DCBLD2: variants seen among roughly 807,000 people sequenced by gnomAD.
DCBLD2 encodes discoidin, CUB and LCCL domain-containing protein 2.
A neutral mutation model predicts 86.8 loss-of-function variants in DCBLD2; 54 were observed. That is an observed-to-expected ratio of 0.62 (90% CI 0.50 to 0.78). The LOEUF (loss-of-function observed/expected upper bound fraction) is 0.78. DCBLD2 is among the 30% of genes least tolerant of loss of function. DCBLD2 has a pLI of 0.00. For synonymous variants in DCBLD2, 354 were observed against 341.3 expected (o/e 1.04, Z -0.41); for missense variants, 908 against 954.2 (o/e 0.95, Z 0.64).
chr3:98,808,215 T>C (rs1941876283), intron 12 of DCBLD2, 41 bp from the exon 13 acceptor site: 2 of 1,520,356 alleles, frequency 1.3e-6, no homozygotes, highest in Admixed American at 4.5e-5. Flanking sequence ...AAAAGCCATA[T>C]TAACACCAAA....
chr3:98,858,805 T>C (rs898363834), intron 2 of DCBLD2, among the ~76,000 whole-genome samples: 4 of 152,134 alleles, frequency 2.6e-5, no homozygotes, highest in African/African-American at 9.7e-5. Context: ...AACAGATATA[T>C]GAAAAAATGT....
Position 98,901,177 on chromosome 3 carries a change from G to T in DCBLD2, c.150C>A (p.Phe50Leu), listed in dbSNP as rs765051682. The T allele has an allele frequency of 1.3e-6, 2 of 1,537,964 alleles. No individual in the cohort carries two copies. The highest frequency in any genetic ancestry group is 3.9e-5 in the Admixed American group (2 of 51,014). ...SNSSSFSMPL[F>L]LLLLLVLLLL... ...GGAGCAGGACAAGTAAGAGCAGGAGGAACAGAGGCATGGAGAAGGAGGAGG... is the reference window on the plus strand; with the variant it reads ...GGAGCAGGACAAGTAAGAGCAGGAGTAACAGAGGCATGGAGAAGGAGGAGG... Residue 50 changes from phenylalanine (F) to leucine (L), a missense_variant, in exon 1 of 16, where the codon TTC (phenylalanine) becomes TTA (leucine). Phe to Leu is a conservative substitution (Grantham distance 22). Coordinates refer to ENST00000326840, the MANE Select transcript of DCBLD2 (RefSeq NM_080927.4).
intron 2 of DCBLD2, among the ~76,000 whole-genome samples, chr3:98,867,187 C>T (rs1291415383): frequency 6.6e-6 from 1 of 152,140 alleles, no homozygotes; most frequent in African/African-American, 2.4e-5. Flanking sequence ...CTTGGCAATG[C>T]CAGCTCTTTT....
chr3:98,857,678 G>C (rs1164913872), intron 2 of DCBLD2, among the ~76,000 whole-genome samples: 1 of 152,138 alleles, frequency 6.6e-6, no homozygotes, highest in Non-Finnish European at 1.5e-5. Flanking sequence ...AGTGCCGATT[G>C]GTGTATTTAC....
At chr3:98,881,177 C>T (rs971023560) in intron 2 of DCBLD2, among the ~76,000 whole-genome samples, 22 of 151,466 alleles carry the variant, frequency 1.5e-4, no homozygotes, top group African/African-American at 4.6e-4. Context: ...TAGCTTGAAC[C>T]CAGGAGGCGG....
At chr3:98,832,840 GC>G in intron 3 of DCBLD2, among the ~76,000 whole-genome samples, 1 of 152,156 alleles carries the variant, frequency 6.6e-6, no homozygotes, top group East Asian at 1.9e-4. Flanking sequence ...TTGGTGATCT[GC>G]CCTTTCTCTC....
intron 2 of DCBLD2, among the ~76,000 whole-genome samples, chr3:98,876,069 T>G (rs1943362953): frequency 6.6e-6 from 1 of 152,124 alleles, no homozygotes. Flanking sequence ...AAATACATTT[T>G]TAAAAGTTTG....
At chr3:98,886,694 C>T (rs78930281) in intron 1 of DCBLD2, among the ~76,000 whole-genome samples, 6,016 of 151,840 alleles carry the variant, frequency 0.04, 356 homozygotes, top group African/African-American at 0.14. Context: ...TCTTTGGCTG[C>T]ACATTTATCT....
intron 1 of DCBLD2, chr3:98,890,466 A>T (rs1943638737): frequency 1.3e-5 from 2 of 152,116 alleles, no homozygotes; most frequent in Admixed American, 6.6e-5. Flanking sequence ...ACTGTGAGAC[A>T]ATAAATTTAA....
At chr3:98,861,988 T>C (rs992223289) in intron 2 of DCBLD2, among the ~76,000 whole-genome samples, 3 of 151,328 alleles carry the variant, frequency 2.0e-5, no homozygotes, top group Admixed American at 6.6e-5. Context: ...GCAAGACTAA[T>C]AAAGAAAAGA....
At chr3:98,843,838 A>G (rs1309976140) in intron 3 of DCBLD2, among the ~76,000 whole-genome samples, 1 of 152,210 alleles carries the variant, frequency 6.6e-6, no homozygotes, top group Non-Finnish European at 1.5e-5. Flanking sequence ...CTATATTAAT[A>G]TCTACATTAT....
chr3:98,844,807 C>A (rs114008163), intron 3 of DCBLD2, among the ~76,000 whole-genome samples: 265 of 152,250 alleles, frequency 1.7e-3, no homozygotes, highest in Admixed American at 6.5e-3. Context: ...TATAAAAGTC[C>A]AAGATACCAC....
intron 1 of DCBLD2, among the ~76,000 whole-genome samples, chr3:98,885,213 T>C (rs1943540954): frequency 6.6e-6 from 1 of 152,112 alleles, no homozygotes; most frequent in Admixed American, 6.6e-5. Flanking sequence ...TTCCTCCTCT[T>C]GCAAGCAAGA....
At chr3:98,825,966 C>T (rs1041712891) in intron 3 of DCBLD2, among the ~76,000 whole-genome samples, 1 of 152,004 alleles carries the variant, frequency 6.6e-6, no homozygotes, top group Non-Finnish European at 1.5e-5. Flanking sequence ...GAATCTCTGG[C>T]GGTGGTGCCC....
chr3:98,837,797 G>A (rs1576172701), intron 3 of DCBLD2, among the ~76,000 whole-genome samples: 1 of 131,214 alleles, frequency 7.6e-6, no homozygotes, highest in East Asian at 2.5e-4. Flanking sequence ...CCTCCCAGAC[G>A]GGGCGGCTGG....
At chr3:98,817,672 C>G in intron 9 of DCBLD2, 97 bp downstream of exon 9, 4 of 1,247,682 alleles carry the variant, frequency 3.2e-6, no homozygotes, top group Non-Finnish European at 4.5e-6. Context: ...ATAAGACATT[C>G]TAAACTTCTA....
At chr3:98,867,451 T>A (rs565585155) in intron 2 of DCBLD2, among the ~76,000 whole-genome samples, 10 of 152,310 alleles carry the variant, frequency 6.6e-5, no homozygotes, top group Admixed American at 3.9e-4. Context: ...AGGTATTTTA[T>A]AAAATATGTA....
At chr3:98,850,357 C>T (rs1295336314) in intron 2 of DCBLD2, among the ~76,000 whole-genome samples, 1 of 152,046 alleles carries the variant, frequency 6.6e-6, no homozygotes, top group African/African-American at 2.4e-5. Context: ...AAATAAATCA[C>T]AAAAAAATCT....
chr3:98,873,274 C>G (rs1158212104), intron 2 of DCBLD2, among the ~76,000 whole-genome samples: 1 of 151,880 alleles, frequency 6.6e-6, no homozygotes, highest in African/African-American at 2.4e-5. Context: ...AATAGGAGAT[C>G]AAACAGATAA....
Sources: allele counts gnomAD v4.1 joint callset (sites outside exome capture counted in the v4.1 genomes callset), GRCh38; gene constraint gnomAD v4.1.1; transcripts MANE v1.5; gene names NCBI Gene and HGNC (gene_info 2026-07-23, HGNC 2026-07-21).